The following PKD1L1 variants were observed in gnomAD, a reference collection of about 807,000 sequenced individuals.
PKD1L1 encodes the protein polycystin 1 like 1, transient receptor potential channel interacting.
PKD1L1 carries 236 observed loss-of-function variants against 323.4 expected under a neutral mutation model. That is an observed-to-expected ratio of 0.73 (90% CI 0.66 to 0.81). The LOEUF is 0.81. Among genes scored for constraint, PKD1L1 ranks in the 40% least tolerant of loss-of-function variants. The probability of loss-of-function intolerance (pLI) is 0.00; values close to 1 mark genes in which losing one functional copy is unlikely to be tolerated. For missense variants in PKD1L1, 3,320 were observed against 3,508.0 expected, an observed-to-expected ratio of 0.95 and a Z score of 1.35; for synonymous variants, 1,344 against 1,335.0, an observed-to-expected ratio of 1.01 and a Z score of -0.15.
At chr7:47,798,371 A>G (rs968888825) in intron 54 of PKD1L1, among the ~76,000 whole-genome samples, 2 of 152,258 alleles carry the variant, frequency 1.3e-5, no homozygotes, top group Non-Finnish European at 2.9e-5. Context: ...TCATTTATAA[A>G]AAACAGGAAC....
chr7:47,877,460 T>A, intron 22 of PKD1L1, 29 bp downstream of exon 22: 1 of 1,611,754 alleles, frequency 6.2e-7, no homozygotes, highest in Non-Finnish European at 8.5e-7. Context: ...CGGGGGTCTC[T>A]CAGGACAGAC....
At chr7:47,876,035 G>GA in intron 23 of PKD1L1, 62 bp downstream of exon 23, 2 of 1,556,436 alleles carry the variant, frequency 1.3e-6, no homozygotes, top group South Asian at 1.2e-5. Flanking sequence ...TGAAAACCAG[G>GA]AAAAAAGGTT....
chr7:47,835,137 C>T lies in PKD1L1; in HGVS notation c.6050G>A (p.Ser2017Asn), dbSNP rs1215416995. The part of the protein sequence containing the change: ...AQLLSLLFRL[S>N]KEAPGSARVE... The stretch of plus-strand genomic sequence containing the variant: ...ATGAGGACAAGTCGCAGGTACCTTG[C>T]TGAGCCTGAAGAGCAGGGACAAGAG... The change falls in exon 38 of 57, where the codon AGC (serine) becomes AAC (asparagine). Residue 2017 changes from serine to asparagine, a missense_variant. Transcript: ENST00000289672. 1.3e-6 allele frequency: 2 copies of T among 1,599,968 alleles called. No individual in the cohort carries two copies. The highest frequency in any genetic ancestry group is 2.2e-5 in the East Asian group (1 of 44,602).
intron 31 of PKD1L1, among the ~76,000 whole-genome samples, 187 bp downstream of exon 31, chr7:47,852,940 G>A (rs1355084624): frequency 6.6e-6 from 1 of 152,142 alleles, no homozygotes; most frequent in Non-Finnish European, 1.5e-5. Context: ...CACAAGGATG[G>A]CGCTCATCAT....
At chr7:47,832,237 T>C (rs1339592738) in intron 41 of PKD1L1, among the ~76,000 whole-genome samples, 1 of 152,188 alleles carries the variant, frequency 6.6e-6, no homozygotes, top group African/African-American at 2.4e-5. Context: ...ACCTCATCGG[T>C]GGCTGGTCTG....
At chr7:47,958,943 T>C in the PKD1L1 span, among the ~76,000 whole-genome samples, 5 of 152,240 alleles carry the variant, frequency 3.3e-5, no homozygotes, top group Non-Finnish European at 7.3e-5. Flanking sequence ...TGCCTCAGCC[T>C]GCCGAGTGCC....
chr7:47,928,836 G>A (rs555089093), intron 7 of PKD1L1, among the ~76,000 whole-genome samples: 3 of 152,280 alleles, frequency 2.0e-5, no homozygotes, highest in African/African-American at 7.2e-5. Flanking sequence ...GCATGAGCTT[G>A]AAGGACAATT....
At chr7:47,911,936 A>G (rs1030273249) in intron 8 of PKD1L1, among the ~76,000 whole-genome samples, 1 of 152,024 alleles carries the variant, frequency 6.6e-6, no homozygotes, top group African/African-American at 2.4e-5. Flanking sequence ...AAGAAAAAAA[A>G]AAAAAGAAAG....
At chr7:47,824,856 G>T (rs1489211775) in intron 45 of PKD1L1, among the ~76,000 whole-genome samples, 1 of 152,138 alleles carries the variant, frequency 6.6e-6, no homozygotes, top group Non-Finnish European at 1.5e-5. Context: ...AAGACGTGTG[G>T]GTTCTTTCTA....
chr7:47,809,427 C>G (rs1293125386), intron 51 of PKD1L1, 46 bp downstream of exon 51: 1 of 1,343,408 alleles, frequency 7.4e-7, no homozygotes, highest in East Asian at 2.5e-5. Context: ...AAGATATAAA[C>G]AGTTTATTGT....
rs767059202 is a variant in PKD1L1 at position 47,858,883 on chromosome 7, T to C, written c.4152A>G (p.Leu1384=). 6.2e-6 allele frequency: 10 copies of C among 1,613,116 alleles called. No individual in the cohort carries two copies. In the East Asian group the frequency reaches 2.2e-4, roughly 36 times the overall value. ...GGATGAGAACCGCACTCATAAAGCC[T>C]AGCTGCATGAACAGAAAAGATGTAA... is the stretch of plus-strand genomic sequence containing the variant. ...LRDLVSFSNK[L]GFMSAVLILK... Residue 1384 remains leucine (L), a splice_region_variant and synonymous_variant, in exon 27 of 57, where the codon CTA becomes CTG. Transcript: ENST00000289672.
intron 45 of PKD1L1, among the ~76,000 whole-genome samples, chr7:47,827,141 A>T (rs143139098): frequency 1.3e-5 from 2 of 152,220 alleles, no homozygotes. Flanking sequence ...TCTGACTTCA[A>T]TTCTGTTTCC....
intron 50 of PKD1L1, 174 bp from the exon 51 acceptor site, chr7:47,809,751 G>C (rs1002147758): frequency 4.2e-6 from 2 of 477,278 alleles, no homozygotes; most frequent in African/African-American, 3.9e-5. Context: ...TAGGCACTTG[G>C]GGTGTTTGGT....
intron 42 of PKD1L1, among the ~76,000 whole-genome samples, chr7:47,830,405 G>C (rs918319780): frequency 6.6e-6 from 1 of 152,242 alleles, no homozygotes; most frequent in Admixed American, 6.5e-5. Context: ...GAGGGGAAGG[G>C]GGAGGAAAAT....
chr7:47,940,679 CG>C (rs1340740145), intron 2 of PKD1L1, among the ~76,000 whole-genome samples: 11 of 152,152 alleles, frequency 7.2e-5, no homozygotes, highest in Admixed American at 2.0e-4. Flanking sequence ...ACACCACAGT[CG>C]GAAGGAGTGG....
intron 7 of PKD1L1, among the ~76,000 whole-genome samples, chr7:47,924,038 T>C (rs911264150): frequency 2.6e-5 from 4 of 152,078 alleles, no homozygotes; most frequent in African/African-American, 9.7e-5. Context: ...TCAAGTTTAA[T>C]GGAACAATGT....
At chr7:47,924,851 C>T (rs560291247) in intron 7 of PKD1L1, among the ~76,000 whole-genome samples, 1 of 152,324 alleles carries the variant, frequency 6.6e-6, no homozygotes, top group Admixed American at 6.5e-5. Flanking sequence ...TTGAGACCGA[C>T]ATGCCCATCA....
At position 47,829,501 on chromosome 7, in the gene PKD1L1, A is replaced by G; in HGVS notation, c.6659T>C (p.Leu2220Ser). The G allele has an allele frequency of 6.2e-7, 1 of 1,614,206 alleles. No homozygotes were observed. Among genetic ancestry groups the G allele is most frequent in the Non-Finnish European group, 8.5e-7 (1 of 1,180,038 alleles). The stretch of plus-strand genomic sequence containing the variant: ...GAGGCGAGTCCAGGAACGTTCTGCC[A>G]ATTCAGAGTCCAGATCCCTGGTAGC... ...CEATRDLDSE[L>S]AERSWTRLPF... Residue 2220 changes from leucine to serine, a missense_variant, in exon 44 of 57, where the codon TTG becomes TCG. Transcript: ENST00000289672.
At chr7:47,933,783 G>A (rs148104067) in intron 4 of PKD1L1, among the ~76,000 whole-genome samples, 6 of 152,194 alleles carry the variant, frequency 3.9e-5, no homozygotes, top group South Asian at 4.2e-4. Flanking sequence ...AAGGACACGC[G>A]CACACTCTTC....
Sources: allele counts gnomAD v4.1 joint callset (sites outside exome capture counted in the v4.1 genomes callset), GRCh38; gene constraint gnomAD v4.1.1; transcripts MANE v1.5; gene names NCBI Gene and HGNC (gene_info 2026-07-23, HGNC 2026-07-21).